DNAH8: variants seen among roughly 807,000 people sequenced by gnomAD.
DNAH8 encodes dynein axonemal heavy chain 8, also known as axonemal beta dynein heavy chain 8.
Under a neutral mutation model 562.1 loss-of-function variants are expected in DNAH8, and 382 were observed. That is an observed-to-expected ratio of 0.68 (90% confidence interval 0.63 to 0.74). The LOEUF is 0.74. Among genes scored for constraint, DNAH8 ranks in the 30% least tolerant of loss-of-function variants. The pLI is 0.00. For synonymous variants in DNAH8, 1,881 were observed against 1,919.4 expected (o/e 0.98, Z 0.52); for missense variants, 5,203 against 5,620.4 (o/e 0.93, Z 2.37).
Position 38,970,400 on chromosome 6 carries a change from G to T in DNAH8, c.12452-1192G>T, listed in dbSNP as rs190598410. Among the ~76,000 whole-genome samples the T allele has an allele frequency of 1.3e-3, 200 of 152,198 alleles. 1 individual carries two copies. Among genetic ancestry groups the T allele is most frequent in the African/African-American group, 4.6e-3 (190 of 41,510 alleles). The stretch of plus-strand genomic sequence containing the variant: ...CTTAGGAGCTGGAAAGATTCATGTG[G>T]GCTTTGGTGGGAAAATCCACCTTTG... On this transcript the variant is annotated intron_variant, in intron 82 of 92. Transcript: ENST00000327475.
chr6:38,875,013 G>A (rs1777887886), intron 52 of DNAH8, among the ~76,000 whole-genome samples: 2 of 152,188 alleles, frequency 1.3e-5, no homozygotes, highest in South Asian at 2.1e-4. Context: ...GGGCCAGGTA[G>A]TATTAATAAA....
intron 82 of DNAH8, among the ~76,000 whole-genome samples, chr6:38,952,311 C>T (rs1474473183): frequency 2.0e-5 from 3 of 152,040 alleles, no homozygotes; most frequent in Non-Finnish European, 2.9e-5. Flanking sequence ...GGATGCAGAG[C>T]ACATCTTGAC....
intron 7 of DNAH8, among the ~76,000 whole-genome samples, chr6:38,741,509 A>G (rs1483485471): frequency 2.0e-5 from 3 of 151,924 alleles, no homozygotes; most frequent in African/African-American, 7.3e-5. Flanking sequence ...ACCTTTAAAT[A>G]TTATGTTTGC....
At chr6:38,853,496 C>T in intron 41 of DNAH8, 149 bp downstream of exon 41, 1 of 811,372 alleles carries the variant, frequency 1.2e-6, no homozygotes, top group Non-Finnish European at 1.9e-6. Flanking sequence ...AGCCTCAGCT[C>T]CCAACCACCT....
rs1422548704 is a variant in DNAH8, at chr6:38,851,647, A to G, written c.5439A>G (p.Gly1813=). 1.2e-6 allele frequency: 2 copies of G among 1,611,228 alleles called. No homozygotes were observed. Residue 1813 remains glycine, a synonymous_variant, in exon 39 of 93, where the codon GGA becomes GGG. Transcript: ENST00000327475. ...ATCCAGTTCTCCTGGAAATTCTTGG[A>G]CAAGCCAGTGATTCCCACACCATAC... ...VSDPVLLEIL[G]QASDSHTIQP...
chr6:38,723,379 G>C lies in DNAH8; in HGVS notation c.433G>C (p.Asp145His), dbSNP rs755824326. The part of the protein sequence containing the change: ...EARESRRLKI[D>H]PSYKYIFEIL... Reference sequence around the variant, plus strand: ...AAGGGAAAGCCGAAGACTGAAAATTGACCCTTCATACAAATATATATTTGA... The same window carrying C: ...AAGGGAAAGCCGAAGACTGAAAATTCACCCTTCATACAAATATATATTTGA... The change falls in exon 3 of 93, where the codon GAC becomes CAC. Residue 145 changes from aspartate to histidine, a missense_variant. Asp to His is a moderately conservative substitution (Grantham distance 81, BLOSUM62 -1). Around this residue, in one of 6 missense-constraint regions of DNAH8, gnomAD observed 556 missense variants for 496.9 expected, o/e 1.12. Transcript: ENST00000327475. 1 of 1,612,006 alleles carries C rather than the reference G, an allele frequency of 6.2e-7. No individual in the cohort carries two copies. The highest frequency in any genetic ancestry group is 8.5e-7 in the Non-Finnish European group (1 of 1,179,740).
At chr6:39,024,834 C>T (rs189967560) in intron 91 of DNAH8, among the ~76,000 whole-genome samples, 4 of 152,294 alleles carry the variant, frequency 2.6e-5, no homozygotes, top group African/African-American at 7.2e-5. Flanking sequence ...CTACTAGGCA[C>T]TCGGTTTCAT....
chr6:38,729,827 T>G, intron 3 of DNAH8, 75 bp from the exon 4 acceptor site: 1 of 777,860 alleles, frequency 1.3e-6, no homozygotes, highest in South Asian at 1.7e-5. Flanking sequence ...TCTTTGAGCT[T>G]CATCTTCTTC....
At chr6:38,961,924 A>C (rs541107557) in intron 82 of DNAH8, among the ~76,000 whole-genome samples, 80 of 151,996 alleles carry the variant, frequency 5.3e-4, no homozygotes, top group Non-Finnish European at 1.1e-3. Context: ...ATTGTCTAAC[A>C]AAAAATACAA....
intron 18 of DNAH8, among the ~76,000 whole-genome samples, chr6:38,788,451 A>G (rs1362408972): frequency 6.6e-6 from 1 of 152,086 alleles, no homozygotes; most frequent in Non-Finnish European, 1.5e-5. Context: ...CGCCCGGCCT[A>G]TTGTTTGTCA....
chr6:38,796,172 CT>C (rs1356888984), intron 21 of DNAH8, among the ~76,000 whole-genome samples: 1 of 152,218 alleles, frequency 6.6e-6, no homozygotes, highest in Non-Finnish European at 1.5e-5. Flanking sequence ...ACTCTTCACT[CT>C]GCCAACAGCA....
At chr6:38,830,493 G>A (rs909221222) in intron 30 of DNAH8, among the ~76,000 whole-genome samples, 2 of 152,000 alleles carry the variant, frequency 1.3e-5, no homozygotes, top group African/African-American at 4.8e-5. Flanking sequence ...AAATCAGCCA[G>A]GCATGGTGGC....
At chr6:38,776,462 C>A (rs1016233964) in intron 13 of DNAH8, among the ~76,000 whole-genome samples, 12 of 152,192 alleles carry the variant, frequency 7.9e-5, no homozygotes, top group African/African-American at 2.9e-4. Flanking sequence ...AGGTGATTCA[C>A]CCACCTCGGC....
chr6:38,809,331 C>G (rs1357587075), intron 24 of DNAH8, among the ~76,000 whole-genome samples: 2 of 152,148 alleles, frequency 1.3e-5, no homozygotes, highest in Admixed American at 6.5e-5. Flanking sequence ...ACCAACTCTT[C>G]CCTACTTCAT....
chr6:38,829,989 G>T (rs1340149868), intron 30 of DNAH8, among the ~76,000 whole-genome samples: 3 of 152,130 alleles, frequency 2.0e-5, no homozygotes, highest in Admixed American at 1.3e-4. Flanking sequence ...TAGGCTGGTA[G>T]TGATGTCCCC....
At chr6:38,817,133 A>T (rs1629877) in intron 26 of DNAH8, among the ~76,000 whole-genome samples, 1 of 151,986 alleles carries the variant, frequency 6.6e-6, no homozygotes, top group East Asian at 1.9e-4. Flanking sequence ...ATCTTAGGTC[A>T]GGAGTTTGAT....
At chr6:38,944,356 T>C (rs1033866661) in intron 79 of DNAH8, among the ~76,000 whole-genome samples, 1 of 152,172 alleles carries the variant, frequency 6.6e-6, no homozygotes, top group African/African-American at 2.4e-5. Context: ...ATGAAAAAAG[T>C]ACTTTCGTTC....
Position 38,931,983 on chromosome 6 carries a change from C to T in DNAH8, c.11447C>T (p.Thr3816Ile). 4 of 1,585,392 alleles carry T rather than the reference C, an allele frequency of 2.5e-6. No homozygotes were observed. The highest frequency in any genetic ancestry group is 3.4e-6 in the Non-Finnish European group (4 of 1,167,080). ...CAGTTACTAAGGAGAGTCATTCTAA[C>T]AGAGAAACAGGTAATCTCTCTCTCA... ...ENQLLRRVIL[T>I]EKQELEAERV... Residue 3816 changes from threonine (T) to isoleucine (I), a missense_variant, in exon 76 of 93, where the codon ACA (threonine) becomes ATA (isoleucine). This residue lies in a region of DNAH8 where 1,399 missense variants were observed against 1,518.4 expected (regional missense o/e 0.92). Coordinates refer to ENST00000327475, the MANE Select transcript of DNAH8 (RefSeq NM_001206927.2).
Position 38,898,460 on chromosome 6 carries a change from A to C in DNAH8, c.9063+80A>C, listed in dbSNP as rs533139848. The C allele has an allele frequency of 3.2e-6, 4 of 1,243,096 alleles. No homozygotes were observed. In the South Asian group the frequency reaches 5.3e-5, roughly 16 times the overall value. The allele number at this position is 1,243,096 out of a possible 1,614,324, so 77.0% of individuals were successfully genotyped here. A position where few individuals can be genotyped will look rare whatever the true frequency, so the allele number is the denominator to read the frequency against. On this transcript the variant is annotated intron_variant, in intron 61 of 92. Transcript: ENST00000327475. ...ATTTCATAGATAAATTTTTTGAGAG[A>C]ATAACTATATACTATCAGGTACCGT...
Sources: gnomAD v4.1 joint callset for allele counts (sites outside exome capture counted in the v4.1 genomes callset) on GRCh38, gnomAD v4.1.1 for gene constraint, gnomAD v4.1.1 regional missense constraint, MANE v1.5 for transcripts, NCBI Gene and HGNC (gene_info 2026-07-23, HGNC 2026-07-21) for gene names.